Variants in FAM120A observed in about 807,000 individuals in gnomAD.
FAM120A encodes the protein family with sequence similarity 120 member A, also known as constitutive coactivator of PPAR-gamma-like protein 1.
FAM120A carries 15 observed loss-of-function variants against 109.7 expected under a neutral mutation model. The observed-to-expected ratio is 0.14, with a 90% confidence interval of 0.09 to 0.21. FAM120A has a LOEUF of 0.21. Among genes scored for constraint, FAM120A ranks in the 10% least tolerant of loss-of-function variants. The probability of loss-of-function intolerance (pLI) is 1.00; values close to 1 mark genes in which losing one functional copy is unlikely to be tolerated. For synonymous variants in FAM120A, 493 were observed against 572.8 expected (o/e 0.86, Z 1.99); for missense variants, 899 against 1,439.3 (o/e 0.62, Z 6.07).
intron 17 of FAM120A, 97 bp downstream of exon 17, chr9:93,562,401 C>A: frequency 1.1e-6 from 1 of 870,288 alleles, no homozygotes; most frequent in Non-Finnish European, 1.9e-6. Flanking sequence ...GACAGAAGAG[C>A]TGTGAGGGTA....
At chr9:93,508,962 C>T (rs772018893) in intron 5 of FAM120A, among the ~76,000 whole-genome samples, 62 of 152,190 alleles carry the variant, frequency 4.1e-4, no homozygotes, top group Non-Finnish European at 7.2e-4. Context: ...ATTTTAAATG[C>T]CAGATGACTG....
intron 7 of FAM120A, among the ~76,000 whole-genome samples, chr9:93,523,734 A>T (rs117512164): frequency 2.1e-4 from 32 of 152,356 alleles, no homozygotes; most frequent in South Asian, 4.1e-4. Context: ...AGAAGTGCCA[A>T]CAAGGCTGTG....
chr9:93,547,603 C>T lies in FAM120A; in HGVS notation c.2160-2974C>T, dbSNP rs548147788. Among the ~76,000 whole-genome samples, 5 of 152,312 alleles carry T rather than the reference C, an allele frequency of 3.3e-5. No individual in the cohort carries two copies. The South Asian group carries it at 6.2e-4, about 19-fold the overall frequency. On this transcript the variant is annotated intron_variant, in intron 11 of 17. Transcript: ENST00000277165. ...GAAGGCTGTGGGAAGTTAGACAACT[C>T]CCTGAGGCCCTATAGCTGTCTATAT...
At chr9:93,523,447 A>C (rs1424549519) in intron 7 of FAM120A, 1 of 480,534 alleles carries the variant, frequency 2.1e-6, no homozygotes, top group African/African-American at 2.5e-5. Context: ...TTCCAGACAG[A>C]TATCCACTTT....
At chr9:93,527,636 TTTTTG>T (rs1861146619) in intron 8 of FAM120A, among the ~76,000 whole-genome samples, 1 of 135,310 alleles carries the variant, frequency 7.4e-6, no homozygotes, top group Non-Finnish European at 1.6e-5. Context: ...TTTTTTTTTT[TTTTTG>T]AGATGGAGTC....
At chr9:93,476,928 T>C (rs1858574437) in intron 3 of FAM120A, among the ~76,000 whole-genome samples, 1 of 152,170 alleles carries the variant, frequency 6.6e-6, no homozygotes, top group Non-Finnish European at 1.5e-5. Flanking sequence ...GTGTCTGTGT[T>C]TGATGTGAGC....
intron 3 of FAM120A, among the ~76,000 whole-genome samples, chr9:93,482,714 A>T (rs933399389): frequency 6.6e-6 from 1 of 152,062 alleles, no homozygotes; most frequent in Non-Finnish European, 1.5e-5. Context: ...TGTCACCTCC[A>T]GGGTTGGAAC....
At chr9:93,482,430 A>G (rs529890112) in intron 3 of FAM120A, among the ~76,000 whole-genome samples, 2 of 152,044 alleles carry the variant, frequency 1.3e-5, no homozygotes, top group Non-Finnish European at 2.9e-5. Context: ...AGCTCACGCA[A>G]TCCGCCTGCC....
rs765159536 is a variant in FAM120A, at chr9:93,556,568, C to A, written c.2461C>A (p.Leu821Ile). The A allele has an allele frequency of 1.2e-6, 2 of 1,614,246 alleles. No homozygotes were observed. Among genetic ancestry groups the A allele is most frequent in the Non-Finnish European group, 1.7e-6 (2 of 1,180,050 alleles). Residue 821 changes from leucine to isoleucine, a missense_variant, in exon 13 of 18, where the codon CTC becomes ATC. Around this residue, in one of 11 missense-constraint regions of FAM120A, gnomAD observed 31 missense variants for 73.0 expected, o/e 0.42. Transcript: ENST00000277165. The part of the protein sequence containing the change: ...LLKASREKTP[L>I]IDLCDGQADQ... ...CAAAGCCAGCCGGGAAAAGACCCCA[C>A]TCATTGACCTCTGTGATGGTCAGGT...
Position 93,451,933 on chromosome 9 carries a change from C to T in FAM120A, c.18C>T (p.Phe6=). Residue 6 remains phenylalanine (F), a synonymous_variant, in exon 1 of 18, where the codon TTC becomes TTT. Coordinates refer to ENST00000277165, the MANE Select transcript of FAM120A (RefSeq NM_014612.5). MGVQG[F]QDYIEKHCPS... is the part of the protein sequence containing the mutation. ...CCGCCGCCATGGGCGTGCAGGGCTT[C>T]CAGGACTACATCGAGAAGCACTGCC... is the stretch of plus-strand genomic sequence containing the variant. The T allele has an allele frequency of 1.3e-6, 2 of 1,510,298 alleles. No homozygotes were observed. Among genetic ancestry groups the T allele is most frequent in the South Asian group, 2.5e-5 (2 of 79,762 alleles). 93.6% of individuals were successfully genotyped at this position (1,510,298 alleles called of 1,614,324 possible).
intron 2 of FAM120A, among the ~76,000 whole-genome samples, chr9:93,472,640 G>T (rs1858358706): frequency 6.6e-6 from 1 of 152,126 alleles, no homozygotes; most frequent in Admixed American, 6.5e-5. Context: ...TTATATTGTG[G>T]ATTATTTTTA....
chr9:93,561,038 G>C (rs1159251245), intron 15 of FAM120A, 71 bp from the exon 16 acceptor site: 1 of 1,533,662 alleles, frequency 6.5e-7, no homozygotes, highest in Non-Finnish European at 9.0e-7. Context: ...GAAGTTTCTT[G>C]CTTGTATCTT....
rs774651696 is a variant in FAM120A at position 93,497,552 on chromosome 9, A to G, written c.886A>G (p.Thr296Ala). 7.4e-6 allele frequency: 12 copies of G among 1,612,006 alleles called. No individual in the cohort carries two copies. Among genetic ancestry groups the G allele is most frequent in the Non-Finnish European group, 1.0e-5 (12 of 1,179,360 alleles). ...VADYVRNIQD[T>A]SDLDAIAKDV... ...TGACTATGTACGCAACATTCAGGACACCTCTGACTTGGATGCCATAGCTAA... is the reference window on the plus strand; with the variant it reads ...TGACTATGTACGCAACATTCAGGACGCCTCTGACTTGGATGCCATAGCTAA... The change falls in exon 4 of 18, where the codon ACC becomes GCC. Residue 296 changes from threonine to alanine, a missense_variant. By Grantham distance (58) the Thr-to-Ala change is moderately conservative. Coordinates refer to ENST00000277165, the MANE Select transcript of FAM120A (RefSeq NM_014612.5).
chr9:93,514,235 A>G (rs1444766276), intron 5 of FAM120A, among the ~76,000 whole-genome samples: 2 of 152,226 alleles, frequency 1.3e-5, no homozygotes, highest in African/African-American at 4.8e-5. Context: ...TCATTAGAAG[A>G]ACATGGGAGA....
intron 7 of FAM120A, chr9:93,523,382 G>A: frequency 1.6e-6 from 2 of 1,212,340 alleles, no homozygotes; most frequent in Non-Finnish European, 2.2e-6. Flanking sequence ...GCCTGGGGCT[G>A]AGGGAATGAC....
chr9:93,520,186 A>G (rs982361744), intron 7 of FAM120A, among the ~76,000 whole-genome samples: 3 of 152,164 alleles, frequency 2.0e-5, no homozygotes, highest in African/African-American at 7.2e-5. Context: ...ACTGTTTTAA[A>G]TGGAAAAAGA....
chr9:93,455,622 A>G (rs1857517643), intron 1 of FAM120A, among the ~76,000 whole-genome samples: 1 of 152,172 alleles, frequency 6.6e-6, no homozygotes, highest in African/African-American at 2.4e-5. Context: ...GTGTTTTGTA[A>G]ATTGGCAGAG....
chr9:93,548,304 G>C (rs1019772208), intron 11 of FAM120A, among the ~76,000 whole-genome samples: 2 of 152,038 alleles, frequency 1.3e-5, no homozygotes, highest in African/African-American at 4.8e-5. Flanking sequence ...TAGAGACGGG[G>C]TTTCACCATG....
intron 11 of FAM120A, among the ~76,000 whole-genome samples, chr9:93,548,102 T>A (rs895002354): frequency 1.0e-4 from 15 of 148,976 alleles, no homozygotes; most frequent in African/African-American, 3.7e-4. Flanking sequence ...TTTTTCTGAT[T>A]AAAAAAAAAA....
Sources: allele counts gnomAD v4.1 joint callset (sites outside exome capture counted in the v4.1 genomes callset), GRCh38; gene constraint gnomAD v4.1.1; regional missense constraint gnomAD v4.1.1; transcripts MANE v1.5; gene names NCBI Gene and HGNC (gene_info 2026-07-23, HGNC 2026-07-21).